The following TMEM126B variants were observed in gnomAD, a reference collection of about 807,000 sequenced individuals.
The protein encoded by TMEM126B is transmembrane protein 126B, also known as complex I assembly factor TMEM126B, mitochondrial.
TMEM126B carries 19 observed loss-of-function variants against 16.5 expected under a neutral mutation model. That is an observed-to-expected ratio of 1.15 (90% confidence interval 0.80 to 1.69). TMEM126B has a LOEUF of 1.69. Ranked by LOEUF, TMEM126B falls within the 40% of genes most tolerant of loss-of-function variation. The pLI is 0.00. For synonymous variants in TMEM126B, 104 were observed against 93.2 expected (o/e 1.12, Z -0.67); for missense variants, 293 against 278.7 (o/e 1.05, Z -0.37).
chr11:85,636,149 A>G lies in TMEM126B; in HGVS notation c.613A>G (p.Ile205Val), dbSNP rs748493432. ...KLMAIPLVFQ[I>V]MFGILNGLYH... The stretch of plus-strand genomic sequence containing the variant: ...AATGGCGATTCCTCTAGTCTTTCAG[A>G]TTATGTTTGGAATATTAAATGGTCT... Residue 205 changes from isoleucine (I) to valine (V), a missense_variant, in exon 5 of 5, where the codon ATT (isoleucine) becomes GTT (valine). Transcript: ENST00000358867. The G allele has an allele frequency of 1.2e-6, 2 of 1,612,232 alleles. No homozygotes were observed. The highest frequency in any genetic ancestry group is 1.7e-6 in the Non-Finnish European group (2 of 1,179,448).
chr11:85,628,642 C>T lies in TMEM126B; in HGVS notation c.35C>T (p.Pro12Leu), dbSNP rs1212670424. Residue 12 changes from proline to leucine, a missense_variant, in exon 1 of 5, where the codon CCA becomes CTA. Pro to Leu is a moderately conservative substitution (Grantham distance 98, BLOSUM62 -3). Coordinates refer to ENST00000358867, the MANE Select transcript of TMEM126B (RefSeq NM_018480.7). ...VVFGYEAGTKPRDSGVVPVGT... is the reference protein window; with the variant it reads ...VVFGYEAGTKLRDSGVVPVGT... Reference sequence around the variant, plus strand: ...TTCGGGTATGAGGCTGGGACTAAGCCAAGGGATTCAGGTGTGGTGCCGGTG... The same window carrying T: ...TTCGGGTATGAGGCTGGGACTAAGCTAAGGGATTCAGGTGTGGTGCCGGTG... The T allele has an allele frequency of 3.3e-6, 5 of 1,536,146 alleles. No homozygotes were observed. Among genetic ancestry groups the T allele is most frequent in the Non-Finnish European group, 4.4e-6 (5 of 1,146,904 alleles).
chr11:85,633,642 A>G (rs1328024601), intron 2 of TMEM126B, among the ~76,000 whole-genome samples: 1 of 152,222 alleles, frequency 6.6e-6, no homozygotes, highest in East Asian at 1.9e-4. Flanking sequence ...TTTTAAATGT[A>G]TCTGGGACTA....
At chr11:85,633,802 G>A (rs2082348961) in intron 2 of TMEM126B, among the ~76,000 whole-genome samples, 1 of 151,856 alleles carries the variant, frequency 6.6e-6, no homozygotes, top group Non-Finnish European at 1.5e-5. Context: ...ATTTATTTGT[G>A]GCCAAAATTA....
rs1419351671 is a variant in TMEM126B, at chr11:85,628,661, G to T, written c.54G>T (p.Val18=). The T allele has an allele frequency of 8.5e-6, 13 of 1,536,088 alleles. No individual in the cohort carries two copies. The Admixed American group carries it at 2.5e-4, about 30-fold the overall frequency. ...AGTKPRDSGV[V]PVGTEEAPKV... is the part of the protein sequence containing the mutation. Reference sequence around the variant, plus strand: ...CTAAGCCAAGGGATTCAGGTGTGGTGCCGGTGGGAACTGAGGAAGCGCCCA... The same window carrying T: ...CTAAGCCAAGGGATTCAGGTGTGGTTCCGGTGGGAACTGAGGAAGCGCCCA... Residue 18 remains valine (V), a synonymous_variant, in exon 1 of 5, where the codon GTG becomes GTT. Transcript: ENST00000358867.
Position 85,636,277 on chromosome 11 carries a change from A to G in TMEM126B, c.*48A>G, listed in dbSNP as rs2082404220. On this transcript the variant is annotated 3_prime_UTR_variant, in exon 5 of 5. Transcript: ENST00000358867. The stretch of plus-strand genomic sequence containing the variant: ...ACTTAGCAAAATGAAGTTTCTATAA[A>G]GAGGACTCAGGCATTGCTGAAAGAG... 1.2e-5 allele frequency: 16 copies of G among 1,337,522 alleles called. No individual in the cohort carries two copies. The highest frequency in any genetic ancestry group is 1.6e-5 in the Non-Finnish European group (16 of 1,016,836). 82.9% of individuals were successfully genotyped at this position (1,337,522 alleles called of 1,614,324 possible). A position where few individuals can be genotyped will look rare whatever the true frequency, so the allele number is the denominator to read the frequency against.
chr11:85,633,888 T>C (rs2082350219), intron 2 of TMEM126B, among the ~76,000 whole-genome samples, 198 bp from the exon 3 acceptor site: 1 of 152,166 alleles, frequency 6.6e-6, no homozygotes, highest in Non-Finnish European at 1.5e-5. Context: ...AGAATACAAG[T>C]TCTATGAGGG....
At chr11:85,629,386 C>T (rs1400823396) in intron 1 of TMEM126B, 19 of 549,122 alleles carry the variant, frequency 3.5e-5, no homozygotes, top group Non-Finnish European at 5.7e-5. Context: ...CTGGTATAAG[C>T]GTGGTGACTA....
chr11:85,635,819 TTC>T (rs372796413), intron 4 of TMEM126B, 41 bp downstream of exon 4: 6 of 1,300,426 alleles, frequency 4.6e-6, no homozygotes, highest in East Asian at 2.5e-5. Flanking sequence ...TTCTTTTCTT[TTC>T]TTTTTTTTTT....
At position 85,635,717 on chromosome 11, in the gene TMEM126B, G is replaced by T. The variant is rs767611024; in HGVS notation, c.448G>T (p.Val150Phe). Reference protein sequence around the residue: ...CVFRSSLIGIVCGVFYPSSLA... With the variant: ...CVFRSSLIGIFCGVFYPSSLA... Reference sequence around the variant, plus strand: ...TTTCAGAAGCTCACTGATTGGCATAGTTTGTGGTGTTTTCTATCCCAGTTC... The same window carrying T: ...TTTCAGAAGCTCACTGATTGGCATATTTTGTGGTGTTTTCTATCCCAGTTC... The change falls in exon 4 of 5, where the codon GTT becomes TTT. Residue 150 changes from valine (V) to phenylalanine (F), a missense_variant. Transcript: ENST00000358867. 1 of 1,609,590 alleles carries T rather than the reference G, an allele frequency of 6.2e-7. No homozygotes were observed. Among genetic ancestry groups the T allele is most frequent in the East Asian group, 2.2e-5 (1 of 44,528 alleles).
chr11:85,631,944 A>C (rs1008330597), intron 2 of TMEM126B, 136 bp downstream of exon 2: 3 of 817,550 alleles, frequency 3.7e-6, no homozygotes, highest in Admixed American at 3.8e-5. Context: ...TATGAAGAAC[A>C]CATCTTTAAA....
intron 3 of TMEM126B, 71 bp downstream of exon 3, chr11:85,634,350 C>T: frequency 9.3e-7 from 1 of 1,074,974 alleles, no homozygotes; most frequent in South Asian, 1.5e-5. Flanking sequence ...TATACTGTTG[C>T]TACTGCTAAT....
chr11:85,631,126 C>T, intron 1 of TMEM126B: 1 of 1,281,252 alleles, frequency 7.8e-7, no homozygotes, highest in South Asian at 1.2e-5. Context: ...GCAATCCCTG[C>T]TCTCTCCTAC....
intron 2 of TMEM126B, among the ~76,000 whole-genome samples, chr11:85,633,367 G>A (rs535249064): frequency 1.1e-3 from 164 of 152,296 alleles, no homozygotes; most frequent in African/African-American, 3.8e-3. Flanking sequence ...AGATCCCTGA[G>A]GAATCGTGAC....
chr11:85,629,386 C>G (rs1400823396), intron 1 of TMEM126B: 2 of 549,122 alleles, frequency 3.6e-6, no homozygotes, highest in Non-Finnish European at 6.0e-6. Context: ...CTGGTATAAG[C>G]GTGGTGACTA....
chr11:85,631,706 C>G lies in TMEM126B; in HGVS notation c.101C>G (p.Ser34Cys). The G allele has an allele frequency of 6.2e-7, 1 of 1,611,702 alleles. No homozygotes were observed. Among genetic ancestry groups the G allele is most frequent in the Non-Finnish European group, 8.5e-7 (1 of 1,179,410 alleles). ...EAPKVFKMAASMHGQPSPSLE... is the reference protein window; with the variant it reads ...EAPKVFKMAACMHGQPSPSLE... The stretch of plus-strand genomic sequence containing the variant: ...TTCCAGGTTTTCAAGATGGCAGCAT[C>G]TATGCATGGTCAGCCCAGTCCTTCT... The change falls in exon 2 of 5, where the codon TCT (serine) becomes TGT (cysteine). Residue 34 changes from serine to cysteine, a missense_variant. Transcript: ENST00000358867.
chr11:85,630,588 A>G (rs1437817752), intron 1 of TMEM126B, among the ~76,000 whole-genome samples: 1 of 152,204 alleles, frequency 6.6e-6, no homozygotes. Flanking sequence ...AAACATTCAG[A>G]AACGATCCTC....
Position 85,634,144 on chromosome 11 carries a change from T to G in TMEM126B, c.262T>G (p.Phe88Val). ...AACAACAGCTGGTTTCTCTGGAATA[T>G]TCTCAAACTTCCTGTTCAGACGCTG... ...FGTTAGFSGI[F>V]SNFLFRRCFK... is the part of the protein sequence containing the mutation. Residue 88 changes from phenylalanine to valine, a missense_variant, in exon 3 of 5, where the codon TTC (phenylalanine) becomes GTC (valine). Coordinates refer to ENST00000358867, the MANE Select transcript of TMEM126B (RefSeq NM_018480.7). The G allele has an allele frequency of 6.2e-7, 1 of 1,613,858 alleles. No homozygotes were observed. Among genetic ancestry groups the G allele is most frequent in the Non-Finnish European group, 8.5e-7 (1 of 1,179,912 alleles).
chr11:85,634,345 T>G, intron 3 of TMEM126B, 66 bp downstream of exon 3: 1 of 1,112,384 alleles, frequency 9.0e-7, no homozygotes, highest in African/African-American at 1.6e-5. Flanking sequence ...TAACATATAC[T>G]GTTGCTACTG....
At chr11:85,629,869 CT>C (rs1487146695) in intron 1 of TMEM126B, among the ~76,000 whole-genome samples, 1 of 151,970 alleles carries the variant, frequency 6.6e-6, no homozygotes, top group Non-Finnish European at 1.5e-5. Flanking sequence ...AATATTTTAC[CT>C]TTTTTTCCCC....
Sources: allele counts gnomAD v4.1 joint callset (sites outside exome capture counted in the v4.1 genomes callset), GRCh38; gene constraint gnomAD v4.1.1; transcripts MANE v1.5; gene names NCBI Gene and HGNC (gene_info 2026-07-23, HGNC 2026-07-21).